The following MAD1L1 variants were observed in gnomAD, a reference collection of about 807,000 sequenced individuals.
MAD1L1 encodes mitotic spindle assembly checkpoint protein MAD1.
In MAD1L1, 95 loss-of-function variants were observed where a neutral mutation model predicts 96.9. That is an observed-to-expected ratio of 0.98 (90% confidence interval 0.83 to 1.16). MAD1L1 has a LOEUF of 1.16. Among genes scored for constraint, MAD1L1 ranks in the 50% most tolerant of loss-of-function variants. The probability of loss-of-function intolerance (pLI) is 0.00; values close to 1 mark genes in which losing one functional copy is unlikely to be tolerated. For missense variants in MAD1L1, 1,007 were observed against 954.4 expected (o/e 1.06, Z -0.73); for synonymous variants, 473 against 396.6 (o/e 1.19, Z -2.29).
chr7:2,078,205 G>A (rs753011191), intron 11 of MAD1L1, among the ~76,000 whole-genome samples: 1 of 152,156 alleles, frequency 6.6e-6, no homozygotes, highest in Non-Finnish European at 1.5e-5. Flanking sequence ...TCTGCAGAGA[G>A]GCAGGGAAAC....
chr7:1,903,812 A>G (rs1367953463), intron 17 of MAD1L1, among the ~76,000 whole-genome samples: 14 of 109,932 alleles, frequency 1.3e-4, no homozygotes, highest in African/African-American at 2.8e-4. Context: ...GTGGCCTATG[A>G]AAGATGCTCT....
chr7:2,167,481 G>A (rs192039210), intron 10 of MAD1L1, among the ~76,000 whole-genome samples: 175 of 152,066 alleles, frequency 1.2e-3, no homozygotes, highest in Non-Finnish European at 2.1e-3. Context: ...CCCGGGAGGC[G>A]GAGCTTGCAG....
chr7:1,871,349 C>A (rs1182442154), intron 18 of MAD1L1, among the ~76,000 whole-genome samples: 1 of 143,598 alleles, frequency 7.0e-6, no homozygotes, highest in African/African-American at 2.6e-5. Flanking sequence ...ACACCTGCCA[C>A]GCTGAACCCA....
intron 18 of MAD1L1, among the ~76,000 whole-genome samples, chr7:1,856,481 G>GC (rs2128644436): frequency 6.6e-6 from 1 of 152,354 alleles, no homozygotes; most frequent in South Asian, 2.1e-4. Context: ...CACCCCCACA[G>GC]CCCCCGCTGG....
intron 18 of MAD1L1, among the ~76,000 whole-genome samples, chr7:1,886,378 T>C (rs188698346): frequency 1.2e-3 from 185 of 152,370 alleles, no homozygotes; most frequent in Admixed American, 1.4e-3. Flanking sequence ...CTACACCCGT[T>C]GGCAGCAAAG....
chr7:1,894,824 G>A (rs898523755), intron 18 of MAD1L1, among the ~76,000 whole-genome samples: 67 of 152,174 alleles, frequency 4.4e-4, no homozygotes, highest in African/African-American at 1.5e-3. Context: ...AGAGGGTGGG[G>A]GTTGGGTGAG....
rs149115166 is a variant in MAD1L1, at chr7:2,075,104, C to T, written c.1074-5766G>A. ...CTGGCATGTGTCCATGAGGTGCCGG[C>T]GTCTCGAGAGGAGGGGAAGGTCCAG... On this transcript the variant is annotated intron_variant, in intron 11 of 18. Coordinates refer to ENST00000265854, the MANE Select transcript of MAD1L1 (RefSeq NM_001013836.2). 5.4e-3 allele frequency among the ~76,000 whole-genome samples: 828 copies of T among 152,232 alleles called. 9 individuals carry two copies. The highest frequency in any genetic ancestry group is 0.019 in the African/African-American group (790 of 41,560).
At chr7:2,000,063 C>A (rs1175763247) in intron 14 of MAD1L1, among the ~76,000 whole-genome samples, 3 of 152,172 alleles carry the variant, frequency 2.0e-5, no homozygotes, top group Non-Finnish European at 4.4e-5. Context: ...AGCAGATGGG[C>A]ACCTCTGACC....
chr7:1,977,321 G>A (rs914378188), intron 15 of MAD1L1, among the ~76,000 whole-genome samples: 1 of 152,242 alleles, frequency 6.6e-6, no homozygotes, highest in African/African-American at 2.4e-5. Flanking sequence ...CAGCAGTGCT[G>A]GGGGACCCAG....
intron 11 of MAD1L1, among the ~76,000 whole-genome samples, chr7:2,090,701 T>A (rs552533164): frequency 6.6e-6 from 1 of 152,196 alleles, no homozygotes; most frequent in South Asian, 2.1e-4. Flanking sequence ...AGGTGTGTGT[T>A]GAGGCTGGAC....
chr7:1,823,530 G>A (rs1387569864), intron 18 of MAD1L1, among the ~76,000 whole-genome samples: 1 of 152,160 alleles, frequency 6.6e-6, no homozygotes, highest in Admixed American at 6.5e-5. Context: ...GGGGACCCTG[G>A]CACCTGGAGG....
At chr7:2,141,670 G>C (rs896677199) in intron 11 of MAD1L1, among the ~76,000 whole-genome samples, 62 of 152,146 alleles carry the variant, frequency 4.1e-4, no homozygotes, top group African/African-American at 1.4e-3. Context: ...GTACAGGCCT[G>C]GTACCCACCC....
intron 18 of MAD1L1, among the ~76,000 whole-genome samples, chr7:1,892,595 G>A (rs995457343): frequency 2.6e-5 from 4 of 152,354 alleles, no homozygotes; most frequent in African/African-American, 7.2e-5. Context: ...AATAAAAAAA[G>A]CTGTGGATTT....
chr7:2,083,361 AT>A (rs1198627191), intron 11 of MAD1L1, among the ~76,000 whole-genome samples: 2 of 152,130 alleles, frequency 1.3e-5, no homozygotes, highest in Non-Finnish European at 2.9e-5. Flanking sequence ...TAAGCAGTTT[AT>A]TTCCTCTTGA....
At chr7:2,030,678 A>T (rs984119425) in intron 12 of MAD1L1, among the ~76,000 whole-genome samples, 1 of 152,244 alleles carries the variant, frequency 6.6e-6, no homozygotes, top group African/African-American at 2.4e-5. Flanking sequence ...ACTGAGAATG[A>T]GGAGAAACGG....
chr7:2,186,129 G>C lies in MAD1L1; in HGVS notation c.986+27083C>G, dbSNP rs74653474. Among the ~76,000 whole-genome samples the C allele has an allele frequency of 3.9e-5, 6 of 152,168 alleles. No individual in the cohort carries two copies. The East Asian group carries it at 5.8e-4, about 15-fold the overall frequency. On this transcript the variant is annotated intron_variant, in intron 10 of 18. Transcript: ENST00000265854. ...GCAATCTTAAGTACTGTTAACAGAA[G>C]TATAATTTTGGAACGTAATTTGGCA...
intron 11 of MAD1L1, among the ~76,000 whole-genome samples, chr7:2,100,857 A>G (rs1420573891): frequency 6.6e-6 from 1 of 152,238 alleles, no homozygotes; most frequent in Non-Finnish European, 1.5e-5. Context: ...GCGCGGCTCC[A>G]GCATGACTCC....
chr7:2,113,098 G>GCGGA (rs1482030419), intron 11 of MAD1L1, among the ~76,000 whole-genome samples: 2 of 145,390 alleles, frequency 1.4e-5, no homozygotes, highest in Admixed American at 7.0e-5. Context: ...GGGACGAGGG[G>GCGGA]CAGAGCCTCC....
intron 12 of MAD1L1, among the ~76,000 whole-genome samples, chr7:2,019,121 G>C (rs1406312130): frequency 1.3e-5 from 2 of 152,092 alleles, no homozygotes; most frequent in African/African-American, 4.8e-5. Flanking sequence ...CACTGACGCC[G>C]GCACCATCTC....
Sources: allele counts gnomAD v4.1 joint callset (sites outside exome capture counted in the v4.1 genomes callset), GRCh38; gene constraint gnomAD v4.1.1; transcripts MANE v1.5; gene names NCBI Gene and HGNC (gene_info 2026-07-23, HGNC 2026-07-21).